Variants in EPB41 observed in about 807,000 individuals in gnomAD.
The protein encoded by EPB41 is protein 4.1.
A neutral mutation model predicts 108.0 loss-of-function variants in EPB41; 65 were observed. The observed-to-expected ratio is 0.60, with a 90% confidence interval of 0.49 to 0.74. EPB41 has a LOEUF of 0.74. EPB41 is among the 30% of genes least tolerant of loss of function. The pLI, the probability that EPB41 is intolerant of heterozygous loss-of-function variation, is 0.00. For missense variants in EPB41, 875 were observed against 1,037.0 expected, an observed-to-expected ratio of 0.84 and a Z score of 2.15; for synonymous variants, 336 against 358.9, an observed-to-expected ratio of 0.94 and a Z score of 0.72.
At chr1:28,986,040 C>T in intron 1 of EPB41, among the ~76,000 whole-genome samples, 1 of 132,630 alleles carries the variant, frequency 7.5e-6, no homozygotes, top group Admixed American at 8.9e-5. Flanking sequence ...TCCATGTGAT[C>T]TCATTGTTCA....
intron 18 of EPB41, among the ~76,000 whole-genome samples, chr1:29,111,547 G>A (rs1299501823): frequency 1.3e-5 from 2 of 152,058 alleles, no homozygotes; most frequent in African/African-American, 4.8e-5. Context: ...CAGCTACTTG[G>A]GAGGCTGAGG....
chr1:28,899,685 A>C (rs537073277), intron 1 of EPB41, among the ~76,000 whole-genome samples: 1 of 152,200 alleles, frequency 6.6e-6, no homozygotes, highest in East Asian at 1.9e-4. Flanking sequence ...ACAGCCCCAA[A>C]AATGGTAGAG....
At chr1:29,068,469 CTT>C (rs1649552994) in intron 16 of EPB41, among the ~76,000 whole-genome samples, 1 of 152,138 alleles carries the variant, frequency 6.6e-6, no homozygotes, top group African/African-American at 2.4e-5. Context: ...AAAGAAATAA[CTT>C]TTTATAAACT....
chr1:29,045,507 C>T (rs1170730806), intron 11 of EPB41, among the ~76,000 whole-genome samples: 1 of 151,256 alleles, frequency 6.6e-6, no homozygotes, highest in African/African-American at 2.4e-5. Context: ...GTGCATGCCA[C>T]CATGCCCAGC....
intron 16 of EPB41, among the ~76,000 whole-genome samples, chr1:29,095,683 G>A (rs1174287270): frequency 6.6e-6 from 1 of 151,684 alleles, no homozygotes; most frequent in Non-Finnish European, 1.5e-5. Context: ...GAGGCAGGAG[G>A]ATCCCTTAAA....
intron 3 of EPB41, among the ~76,000 whole-genome samples, chr1:28,996,980 C>G (rs924232608): frequency 6.6e-6 from 1 of 151,918 alleles, no homozygotes; most frequent in Non-Finnish European, 1.5e-5. Context: ...TAATGAGACT[C>G]TCTCTACAAA....
At chr1:29,003,769 G>C (rs1305370471) in intron 4 of EPB41, among the ~76,000 whole-genome samples, 1 of 152,172 alleles carries the variant, frequency 6.6e-6, no homozygotes, top group Non-Finnish European at 1.5e-5. Context: ...GGCAAGACAA[G>C]TGGAAAAGCG....
chr1:28,962,012 T>C (rs2095230092), intron 1 of EPB41, among the ~76,000 whole-genome samples: 1 of 152,134 alleles, frequency 6.6e-6, no homozygotes, highest in Admixed American at 6.6e-5. Context: ...CTAGTTGATA[T>C]TGGATTTTTT....
At chr1:28,914,164 C>T (rs2092404244), upstream of EPB41, among the ~76,000 whole-genome samples, 1 of 152,150 alleles carries the variant, frequency 6.6e-6, no homozygotes, top group South Asian at 2.1e-4. Flanking sequence ...AACCTCTACG[C>T]GAGTTACTTC....
In EPB41 at chr1:29,118,311, G is replaced by C. The variant is rs1486238348; in HGVS notation, c.*1499G>C. The C allele has an allele frequency of 6.6e-6, 1 of 152,070 alleles. No individual in the cohort carries two copies. Among genetic ancestry groups the C allele is most frequent in the East Asian group, 1.9e-4 (1 of 5,194 alleles). The allele number at this position is 152,070 out of a possible 1,614,324, so 9.4% of individuals were successfully genotyped here. On this transcript the variant is annotated 3_prime_UTR_variant, in exon 21 of 21. Transcript: ENST00000343067. ...TTTAGTAGAAACGGGATTTCACCTT[G>C]TTAGGCTGGTCTCGAACTCCTGACC...
intron 7 of EPB41, among the ~76,000 whole-genome samples, chr1:29,020,243 A>T (rs923509301): frequency 2.0e-5 from 3 of 151,686 alleles, no homozygotes; most frequent in African/African-American, 7.3e-5. Context: ...AATTTTTTGT[A>T]TTTTTAGTAG....
rs969844368 is a variant in EPB41 at position 29,081,602 on chromosome 1, G to A, written c.2185-16205G>A. On this transcript the variant is annotated intron_variant, in intron 16 of 20. Coordinates refer to ENST00000343067, the MANE Select transcript of EPB41 (RefSeq NM_001376013.1). ...TGTAATCCCAGTACTTTGGGAGGCC[G>A]AACTGGGTGGATCGCCTGAGGTCGG... Among the ~76,000 whole-genome samples, 8 of 152,280 alleles carry A rather than the reference G, an allele frequency of 5.3e-5. No individual in the cohort carries two copies. In the East Asian group the frequency reaches 5.8e-4, roughly 11 times the overall value.
intron 11 of EPB41, among the ~76,000 whole-genome samples, chr1:29,047,065 A>C (rs943896644): frequency 6.6e-6 from 1 of 152,064 alleles, no homozygotes; most frequent in African/African-American, 2.4e-5. Flanking sequence ...TTTGTTAAAG[A>C]CTGTTGTCAT....
At chr1:28,999,231 A>G (rs935142466) in intron 4 of EPB41, among the ~76,000 whole-genome samples, 3 of 152,082 alleles carry the variant, frequency 2.0e-5, no homozygotes. Flanking sequence ...TTAGCCAGGC[A>G]TGGTGGCGGG....
intron 1 of EPB41, chr1:28,893,455 A>C (rs1239283072): frequency 6.6e-6 from 1 of 152,216 alleles, no homozygotes; most frequent in African/African-American, 2.4e-5. Context: ...TCCTCACTGC[A>C]TTGTAAGCTC....
In EPB41 at chr1:28,921,935, ATT is replaced by A. The variant is rs1491401815; in HGVS notation, c.-8+7170_-8+7171del. Among the ~76,000 whole-genome samples the A allele has an allele frequency of 6.5e-3, 444 of 68,818 alleles. 12 individuals are homozygous for A. Among genetic ancestry groups the A allele is most frequent in the African/African-American group, 0.035 (426 of 12,192 alleles). 45.1% of individuals were successfully genotyped at this position (68,818 alleles called of 152,430 possible). A position where few individuals can be genotyped will look rare whatever the true frequency, so the allele number is the denominator to read the frequency against. On this transcript the variant is annotated intron_variant, in intron 1 of 20. Transcript: ENST00000343067. ...ATGTAAATAGTATTTTATTTATGAA[ATT>A]TTATATATATATATATATATATATA...
At chr1:28,917,920 C>T (rs1352968040) in intron 1 of EPB41, among the ~76,000 whole-genome samples, 1 of 152,010 alleles carries the variant, frequency 6.6e-6, no homozygotes, top group Non-Finnish European at 1.5e-5. Context: ...ACATGAGCCA[C>T]CATGCCTGGT....
intron 7 of EPB41, among the ~76,000 whole-genome samples, chr1:29,028,751 C>G (rs888571014): frequency 6.6e-6 from 1 of 152,094 alleles, no homozygotes; most frequent in Non-Finnish European, 1.5e-5. Flanking sequence ...GCTTCAAAAT[C>G]CTAAAATTCA....
Position 28,987,537 on chromosome 1 carries a change from C to T in EPB41, c.100C>T (p.Gln34Ter), listed in dbSNP as rs2095896969. The T allele has an allele frequency of 6.2e-7, 1 of 1,614,158 alleles. No homozygotes were observed. The highest frequency in any genetic ancestry group is 8.5e-7 in the Non-Finnish European group (1 of 1,180,032). ...CATAAACTCAGGCCAACAAGAACCT[C>T]AGCAGGAGGAATCTTGTCAAACAGC... The part of the protein sequence containing the change: ...EAINSGQQEP[Q>*]QEESCQTAAE... Residue 34 changes from glutamine to a stop codon, truncating the protein, a stop_gained, in exon 2 of 21, where the codon CAG becomes TAG. Coordinates refer to ENST00000343067, the MANE Select transcript of EPB41 (RefSeq NM_001376013.1). LOFTEE classifies it high-confidence loss of function.
Sources: gnomAD v4.1 joint callset for allele counts (sites outside exome capture counted in the v4.1 genomes callset) on GRCh38, gnomAD v4.1.1 for gene constraint, MANE v1.5 for transcripts, NCBI Gene and HGNC (gene_info 2026-07-23, HGNC 2026-07-21) for gene names.